RUNX2: variants seen among roughly 807,000 people sequenced by gnomAD.
The protein encoded by RUNX2 is runt-related transcription factor 2.
Under a neutral mutation model 51.7 loss-of-function variants are expected in RUNX2, and 10 were observed. That is an observed-to-expected ratio of 0.19 (90% CI 0.12 to 0.33). RUNX2 has a LOEUF of 0.33. Ranked by LOEUF, RUNX2 falls within the 10% of genes least tolerant of loss-of-function variation. The pLI is 1.00. For missense variants in RUNX2, 562 were observed against 691.3 expected, an observed-to-expected ratio of 0.81 and a Z score of 2.10; for synonymous variants, 276 against 273.6, an observed-to-expected ratio of 1.01 and a Z score of -0.09.
At chr6:45,539,886 A>G (rs1802163323) in intron 7 of RUNX2, among the ~76,000 whole-genome samples, 2 of 152,344 alleles carry the variant, frequency 1.3e-5, no homozygotes, top group Non-Finnish European at 2.9e-5. Flanking sequence ...CAATGATAAT[A>G]CTTAGGAATG....
chr6:45,458,122 G>A (rs926138777), intron 5 of RUNX2, among the ~76,000 whole-genome samples: 8 of 150,764 alleles, frequency 5.3e-5, no homozygotes, highest in South Asian at 2.1e-4. Flanking sequence ...CGCCTCCTGG[G>A]TTCAAGAGAT....
At chr6:45,405,367 T>C (rs1473999009) in intron 2 of RUNX2, among the ~76,000 whole-genome samples, 1 of 152,252 alleles carries the variant, frequency 6.6e-6, no homozygotes, top group Non-Finnish European at 1.5e-5. Context: ...GCTTCTTGTA[T>C]ACAATCATAA....
chr6:45,427,803 TC>T (rs1388643846), intron 3 of RUNX2, among the ~76,000 whole-genome samples: 1 of 152,140 alleles, frequency 6.6e-6, no homozygotes, highest in African/African-American at 2.4e-5. Context: ...AATTCTCCAT[TC>T]CTCTTCTTTT....
rs1798267433 is a variant in RUNX2 at position 45,423,046 on chromosome 6, C to T, written c.423+89C>T. 5.9e-6 allele frequency: 9 copies of T among 1,528,100 alleles called. No individual in the cohort carries two copies. In the Admixed American group the frequency reaches 1.3e-4, roughly 23 times the overall value. 94.7% of individuals were successfully genotyped at this position (1,528,100 alleles called of 1,614,324 possible). On this transcript the variant is annotated intron_variant, in intron 3 of 8. Coordinates refer to ENST00000647337, the MANE Select transcript of RUNX2 (RefSeq NM_001024630.4). ...CCTGCCCACGGGGCTGGGCCCCGGA[C>T]GTCCTCCAAGACCTCCTGCCTTGGC...
chr6:45,337,365 C>T (rs966860903), intron 2 of RUNX2, among the ~76,000 whole-genome samples: 1 of 151,486 alleles, frequency 6.6e-6, no homozygotes, highest in Admixed American at 6.6e-5. Context: ...GGTGTATCTC[C>T]AGCATTCGAA....
chr6:45,397,748 A>G (rs1377899922), intron 2 of RUNX2, among the ~76,000 whole-genome samples: 2 of 152,228 alleles, frequency 1.3e-5, no homozygotes, highest in Admixed American at 1.3e-4. Flanking sequence ...AAAATTAAAG[A>G]ATTACTGATA....
chr6:45,468,364 T>A (rs1288018681), intron 5 of RUNX2, among the ~76,000 whole-genome samples: 1 of 152,224 alleles, frequency 6.6e-6, no homozygotes, highest in Admixed American at 6.5e-5. Flanking sequence ...TTTTAATATC[T>A]AAATACTTAG....
At chr6:45,336,599 A>C (rs1436233040) in intron 2 of RUNX2, among the ~76,000 whole-genome samples, 1 of 151,482 alleles carries the variant, frequency 6.6e-6, no homozygotes, top group Non-Finnish European at 1.5e-5. Context: ...TAAATGGTTA[A>C]ACCACTCTAT....
intron 2 of RUNX2, among the ~76,000 whole-genome samples, chr6:45,373,118 T>C (rs934844062): frequency 1.3e-5 from 2 of 151,976 alleles, no homozygotes; most frequent in Non-Finnish European, 2.9e-5. Context: ...AGCTAATTTT[T>C]GTTTTAAATT....
intron 2 of RUNX2, among the ~76,000 whole-genome samples, chr6:45,410,082 C>T (rs974635824): frequency 3.9e-5 from 6 of 152,192 alleles, no homozygotes; most frequent in African/African-American, 1.4e-4. Context: ...ACTCTATACT[C>T]ATAGTTCTGT....
intron 2 of RUNX2, among the ~76,000 whole-genome samples, chr6:45,420,111 C>G (rs1166785880): frequency 6.6e-6 from 1 of 152,110 alleles, no homozygotes; most frequent in Admixed American, 6.5e-5. Flanking sequence ...CCTTACCCCT[C>G]GAGAGCGCAC....
intron 3 of RUNX2, among the ~76,000 whole-genome samples, chr6:45,427,449 T>A (rs1308461714): frequency 6.6e-6 from 1 of 152,138 alleles, no homozygotes; most frequent in African/African-American, 2.4e-5. Context: ...TAAAATTCAA[T>A]GGGCTTTTCC....
chr6:45,531,854 A>G (rs983915602), intron 7 of RUNX2, among the ~76,000 whole-genome samples: 1 of 144,652 alleles, frequency 6.9e-6, no homozygotes, highest in Non-Finnish European at 1.5e-5. Flanking sequence ...AGAGCTGGAA[A>G]GGTTGATACA....
chr6:45,510,778 C>A (rs1187918648), intron 6 of RUNX2, among the ~76,000 whole-genome samples: 1 of 151,326 alleles, frequency 6.6e-6, no homozygotes, highest in East Asian at 1.9e-4. Flanking sequence ...ATAATTAATG[C>A]CTATTAAGTC....
At chr6:45,472,011 A>G (rs1582147020) in intron 5 of RUNX2, among the ~76,000 whole-genome samples, 1 of 152,188 alleles carries the variant, frequency 6.6e-6, no homozygotes. Context: ...AAATCTGATG[A>G]ATGAAGGTAA....
intron 2 of RUNX2, among the ~76,000 whole-genome samples, chr6:45,384,706 CTTTTTTTT>C (rs56307239): frequency 3.3e-5 from 2 of 61,210 alleles, no homozygotes; most frequent in African/African-American, 6.7e-5. Context: ...ATTAGGGTGT[CTTTTTTTT>C]TTTTTTTTTT....
chr6:45,437,827 G>T (rs1798727880), intron 4 of RUNX2, 120 bp from the exon 5 acceptor site: 2 of 777,072 alleles, frequency 2.6e-6, no homozygotes, highest in Admixed American at 1.8e-5. Flanking sequence ...CCTGCCTCTT[G>T]TCTTTGTTTC....
rs559952873 is a variant in RUNX2 at position 45,365,829 on chromosome 6, TTTGAACAAAAGCCTAAAA to T, written c.58+37047_58+37064del. On this transcript the variant is annotated intron_variant, in intron 2 of 8. Transcript: ENST00000647337. ...AAACTACAGCATAATCTAAATCCTA[TTTGAACAAAAGCCTAAAA>T]TACAAATAATAATGTCAATCGGTAG... 2.6e-4 allele frequency among the ~76,000 whole-genome samples: 40 copies of T among 151,758 alleles called. No homozygotes were observed. The East Asian group carries it at 7.5e-3, about 29-fold the overall frequency.
At chr6:45,456,124 AAAG>A (rs1210808952) in intron 5 of RUNX2, among the ~76,000 whole-genome samples, 1 of 152,228 alleles carries the variant, frequency 6.6e-6, no homozygotes, top group Non-Finnish European at 1.5e-5. Flanking sequence ...GCATTGAAAA[AAAG>A]GTAAAAAGTC....
Sources: gnomAD v4.1 joint callset for allele counts (sites outside exome capture counted in the v4.1 genomes callset) on GRCh38, gnomAD v4.1.1 for gene constraint, MANE v1.5 for transcripts, NCBI Gene and HGNC (gene_info 2026-07-23, HGNC 2026-07-21) for gene names.